CDH4: variants seen among roughly 807,000 people sequenced by gnomAD.
CDH4 encodes the protein cadherin-4.
In CDH4, 33 loss-of-function variants were observed where a neutral mutation model predicts 86.0. That is an observed-to-expected ratio of 0.38 (90% CI 0.29 to 0.51). The LOEUF (loss-of-function observed/expected upper bound fraction) is 0.51. CDH4 is among the 20% of genes least tolerant of loss of function. The pLI is 0.86. For missense variants in CDH4, 1,114 were observed against 1,307.4 expected, an observed-to-expected ratio of 0.85 and a Z score of 2.28; for synonymous variants, 555 against 549.4, an observed-to-expected ratio of 1.01 and a Z score of -0.14.
chr20:61,877,724 T>G (rs545482254), intron 7 of CDH4, among the ~76,000 whole-genome samples: 1 of 152,160 alleles, frequency 6.6e-6, no homozygotes, highest in Non-Finnish European at 1.5e-5. Context: ...GATCAGTTTC[T>G]GTCTTGTGCG....
chr20:61,889,907 T>A (rs1984734226), intron 7 of CDH4, among the ~76,000 whole-genome samples: 1 of 136,022 alleles, frequency 7.4e-6, no homozygotes, highest in African/African-American at 2.8e-5. Context: ...GATGGATAGA[T>A]GATGGATGGG....
intron 2 of CDH4, among the ~76,000 whole-genome samples, chr20:61,307,364 T>C (rs938677620): frequency 6.6e-6 from 1 of 152,088 alleles, no homozygotes; most frequent in African/African-American, 2.4e-5. Context: ...AGCACCTACA[T>C]GCTCCAAAAC....
intron 2 of CDH4, among the ~76,000 whole-genome samples, chr20:61,736,415 T>C (rs1373479704): frequency 6.6e-6 from 1 of 152,180 alleles, no homozygotes; most frequent in East Asian, 1.9e-4. Context: ...TCCCCACCTG[T>C]CCACCCAGCC....
intron 2 of CDH4, among the ~76,000 whole-genome samples, chr20:61,678,455 C>T (rs994141858): frequency 4.6e-5 from 7 of 152,196 alleles, no homozygotes; most frequent in African/African-American, 1.7e-4. Context: ...GGAAAGCTAT[C>T]AACAAGGTCA....
chr20:61,317,992 TTAGCAAACCTAAATGGG>T (rs1389286973), intron 2 of CDH4, among the ~76,000 whole-genome samples: 1 of 152,192 alleles, frequency 6.6e-6, no homozygotes, highest in African/African-American at 2.4e-5. Flanking sequence ...GTGTTTGTTC[TTAGCAAACCTAAATGGG>T]TAGAGGTTAA....
chr20:61,364,212 T>G (rs973130123), intron 2 of CDH4, among the ~76,000 whole-genome samples: 2 of 152,182 alleles, frequency 1.3e-5, no homozygotes, highest in African/African-American at 4.8e-5. Flanking sequence ...TAGGAGGGTT[T>G]TCTGATCCAG....
intron 2 of CDH4, among the ~76,000 whole-genome samples, chr20:61,627,977 C>T (rs1185803591): frequency 6.6e-6 from 1 of 152,252 alleles, no homozygotes; most frequent in Non-Finnish European, 1.5e-5. Context: ...CAGGGGTCTG[C>T]GCCCTACCTC....
At position 61,923,463 on chromosome 20, in the gene CDH4, G is replaced by A. The variant is rs2055007169; in HGVS notation, c.1387G>A (p.Glu463Lys). The change falls in exon 10 of 16, where the codon GAG becomes AAG. Residue 463 changes from glutamate to lysine, a missense_variant. Around this residue, in one of 3 missense-constraint regions of CDH4, gnomAD observed 705 missense variants for 914.1 expected, o/e 0.77. Transcript: ENST00000614565. ...TCTGTTGTTCCAGGCAGTCGACTAC[G>A]AGCTCAACAGAGCTTTCATGCTGAC... is the stretch of plus-strand genomic sequence containing the variant. ...MVTVVKAVDYELNRAFMLTVM... is the reference protein window; with the variant it reads ...MVTVVKAVDYKLNRAFMLTVM... 1 of 1,614,120 alleles carries A rather than the reference G, an allele frequency of 6.2e-7. No homozygotes were observed.
chr20:61,306,746 CCAGT>C (rs1220775158), intron 2 of CDH4, among the ~76,000 whole-genome samples: 3 of 152,214 alleles, frequency 2.0e-5, no homozygotes, highest in Non-Finnish European at 4.4e-5. Flanking sequence ...CCAGCACCGA[CCAGT>C]CAAACACTGG....
chr20:61,694,066 G>C (rs1176300301), intron 2 of CDH4, among the ~76,000 whole-genome samples: 1 of 151,752 alleles, frequency 6.6e-6, no homozygotes, highest in Non-Finnish European at 1.5e-5. Flanking sequence ...CTAATTTCTT[G>C]TATTTTTAGT....
chr20:61,560,832 C>T (rs754102958), intron 2 of CDH4, among the ~76,000 whole-genome samples: 3 of 152,150 alleles, frequency 2.0e-5, no homozygotes, highest in African/African-American at 7.2e-5. Context: ...GCCTTCGCAG[C>T]GGGAGCTCTG....
At chr20:61,346,000 TC>T (rs1360980353) in intron 2 of CDH4, among the ~76,000 whole-genome samples, 1 of 152,156 alleles carries the variant, frequency 6.6e-6, no homozygotes, top group Non-Finnish European at 1.5e-5. Context: ...CGGGTGGCAC[TC>T]CCCTGGGAGA....
chr20:61,275,295 G>T (rs1313939776), intron 2 of CDH4, among the ~76,000 whole-genome samples: 12 of 105,086 alleles, frequency 1.1e-4, no homozygotes, highest in African/African-American at 4.5e-4. Flanking sequence ...GGGGAGCACC[G>T]TGCGCAGTTT....
At chr20:61,713,695 A>G (rs1293681935) in intron 2 of CDH4, among the ~76,000 whole-genome samples, 9 of 152,226 alleles carry the variant, frequency 5.9e-5, no homozygotes, top group Non-Finnish European at 1.3e-4. Flanking sequence ...GCTGTATCAT[A>G]TGAGCCTCCG....
chr20:61,745,675 G>A (rs1490615976), intron 3 of CDH4, among the ~76,000 whole-genome samples: 12 of 152,018 alleles, frequency 7.9e-5, no homozygotes, highest in African/African-American at 2.7e-4. Context: ...GCAGGCCCTT[G>A]GACAGCCTGG....
At chr20:61,756,157 G>A (rs35846524) in intron 3 of CDH4, among the ~76,000 whole-genome samples, 4,351 of 152,328 alleles carry the variant, frequency 0.029, 71 homozygotes, top group Middle Eastern at 0.041. Flanking sequence ...CTTCGTTAGC[G>A]TGAACGCACC....
At chr20:61,682,388 A>G (rs1600869744) in intron 2 of CDH4, among the ~76,000 whole-genome samples, 1 of 129,934 alleles carries the variant, frequency 7.7e-6, no homozygotes, top group Non-Finnish European at 1.6e-5. Context: ...TGGATGATGG[A>G]TGGATAGATG....
At chr20:61,929,869 G>A (rs758901646) in intron 13 of CDH4, 27 bp downstream of exon 13, 2 of 1,590,110 alleles carry the variant, frequency 1.3e-6, no homozygotes, top group East Asian at 2.2e-5. Flanking sequence ...ACCAGGGTGG[G>A]CAGGGGCATT....
intron 2 of CDH4, among the ~76,000 whole-genome samples, chr20:61,265,789 G>T (rs920464143): frequency 6.6e-6 from 1 of 152,228 alleles, no homozygotes; most frequent in African/African-American, 2.4e-5. Flanking sequence ...GGTCAGGGAG[G>T]TCTATCTGAA....
Sources: gnomAD v4.1 joint callset for allele counts (sites outside exome capture counted in the v4.1 genomes callset) on GRCh38, gnomAD v4.1.1 for gene constraint, gnomAD v4.1.1 regional missense constraint, MANE v1.5 for transcripts, NCBI Gene and HGNC (gene_info 2026-07-23, HGNC 2026-07-21) for gene names.